GRK5: variants seen among roughly 807,000 people sequenced by gnomAD.
GRK5 encodes the protein G protein-coupled receptor kinase 5.
In GRK5, 40 loss-of-function variants were observed where a neutral mutation model predicts 78.4. That is an observed-to-expected ratio of 0.51 (90% confidence interval 0.40 to 0.66). The LOEUF (loss-of-function observed/expected upper bound fraction) is 0.66. Ranked by LOEUF, GRK5 falls within the 30% of genes least tolerant of loss-of-function variation. GRK5 has a pLI of 0.00. For synonymous variants in GRK5, 289 were observed against 296.8 expected, an observed-to-expected ratio of 0.97 and a Z score of 0.27; for missense variants, 598 against 759.9, an observed-to-expected ratio of 0.79 and a Z score of 2.50.
At chr10:119,382,631 TAAGAGCTCTTTAA>T (rs1264197468) in intron 3 of GRK5, among the ~76,000 whole-genome samples, 1 of 152,222 alleles carries the variant, frequency 6.6e-6, no homozygotes, top group Non-Finnish European at 1.5e-5. Context: ...TATCTCTGAA[TAAGAGCTCTTTAA>T]AAAATAGTAC....
At chr10:119,373,671 G>A (rs1851581254) in intron 2 of GRK5, among the ~76,000 whole-genome samples, 1 of 152,268 alleles carries the variant, frequency 6.6e-6, no homozygotes, top group South Asian at 2.1e-4. Flanking sequence ...GGGGGAATGA[G>A]AATCTGCATT....
chr10:119,344,515 G>C (rs191151294), intron 2 of GRK5, among the ~76,000 whole-genome samples: 7 of 152,316 alleles, frequency 4.6e-5, no homozygotes, highest in Admixed American at 6.5e-5. Flanking sequence ...CCACCTGTCA[G>C]AGCTCTCCAA....
chr10:119,447,606 G>A (rs552470690), intron 12 of GRK5, among the ~76,000 whole-genome samples: 8 of 152,166 alleles, frequency 5.3e-5, no homozygotes, highest in African/African-American at 1.9e-4. Flanking sequence ...CATGCCCCCT[G>A]CCCCCGGGGT....
chr10:119,333,004 T>G (rs1383929052), intron 2 of GRK5, among the ~76,000 whole-genome samples: 1 of 152,230 alleles, frequency 6.6e-6, no homozygotes, highest in Non-Finnish European at 1.5e-5. Context: ...GTGTATTTTC[T>G]GTCTCCCACA....
At position 119,356,019 on chromosome 10, in the gene GRK5, T is replaced by C. The variant is rs1296917589; in HGVS notation, c.149-24796T>C. Among the ~76,000 whole-genome samples the C allele has an allele frequency of 2.0e-5, 3 of 152,306 alleles. No individual in the cohort carries two copies. The South Asian group carries it at 6.2e-4, about 32-fold the overall frequency. On this transcript the variant is annotated intron_variant, in intron 2 of 15. Transcript: ENST00000392870. ...GAAACTTTTAAATCTAGAGAGCTGA[T>C]AAAGTAAGATAATAATACATTCTGC...
intron 2 of GRK5, among the ~76,000 whole-genome samples, chr10:119,354,724 C>T (rs1447255408): frequency 1.3e-5 from 2 of 152,136 alleles, no homozygotes; most frequent in African/African-American, 4.8e-5. Context: ...GAATAATATT[C>T]CATTGTACAG....
At chr10:119,403,705 C>T (rs1852188513) in intron 4 of GRK5, among the ~76,000 whole-genome samples, 2 of 152,120 alleles carry the variant, frequency 1.3e-5, no homozygotes, top group Admixed American at 6.5e-5. Context: ...GGGATCTCGG[C>T]TCACTGTAAC....
chr10:119,394,260 C>CTATGTGTGTGTG (rs1564916856), intron 3 of GRK5, among the ~76,000 whole-genome samples: 1 of 4,986 alleles, frequency 2.0e-4, no homozygotes, highest in Non-Finnish European at 3.6e-4. Context: ...GTGGATGTAT[C>CTATGTGTGTGTG]TGTGTGTGTG....
chr10:119,309,139 G>A (rs886820059), intron 1 of GRK5, among the ~76,000 whole-genome samples: 5 of 152,194 alleles, frequency 3.3e-5, no homozygotes, highest in African/African-American at 9.6e-5. Flanking sequence ...AAGAAGAGAG[G>A]GTTCAGCCCA....
chr10:119,422,504 G>A (rs1237284209), intron 4 of GRK5, among the ~76,000 whole-genome samples: 7 of 152,174 alleles, frequency 4.6e-5, no homozygotes, highest in African/African-American at 7.2e-5. Context: ...CCACAGCTGC[G>A]AGTCACAGAT....
intron 1 of GRK5, among the ~76,000 whole-genome samples, chr10:119,314,181 G>A (rs1564887829): frequency 6.6e-6 from 1 of 152,220 alleles, no homozygotes; most frequent in Non-Finnish European, 1.5e-5. Flanking sequence ...CCCCACTTTG[G>A]GTGGAATCCT....
At chr10:119,315,664 G>A (rs1850473278) in intron 1 of GRK5, among the ~76,000 whole-genome samples, 1 of 152,224 alleles carries the variant, frequency 6.6e-6, no homozygotes, top group Non-Finnish European at 1.5e-5. Flanking sequence ...GCCCACCTGG[G>A]TAGAAAAGAA....
intron 4 of GRK5, among the ~76,000 whole-genome samples, chr10:119,418,754 C>T (rs1055539224): frequency 8.5e-5 from 13 of 152,168 alleles, no homozygotes; most frequent in East Asian, 3.8e-4. Context: ...GTGTTAAAGT[C>T]GAGGTCTGCA....
intron 2 of GRK5, among the ~76,000 whole-genome samples, chr10:119,352,028 G>A (rs1851193398): frequency 6.6e-6 from 1 of 152,180 alleles, no homozygotes; most frequent in Admixed American, 6.5e-5. Flanking sequence ...CCTAGGGGAG[G>A]TGGCCTCAAC....
intron 8 of GRK5, among the ~76,000 whole-genome samples, chr10:119,434,372 C>T (rs866929378): frequency 9.2e-5 from 14 of 152,232 alleles, no homozygotes; most frequent in Admixed American, 4.6e-4. Flanking sequence ...AAGTCCTTTC[C>T]GCCTACGAGC....
chr10:119,409,430 T>G (rs1224653338), intron 4 of GRK5, among the ~76,000 whole-genome samples: 1 of 152,210 alleles, frequency 6.6e-6, no homozygotes, highest in Admixed American at 6.5e-5. Context: ...GAGGTTCCTT[T>G]GATGCTGGCA....
chr10:119,273,228 A>C (rs1282081750), intron 1 of GRK5, among the ~76,000 whole-genome samples: 1 of 152,164 alleles, frequency 6.6e-6, no homozygotes, highest in Non-Finnish European at 1.5e-5. Context: ...CACTGTAGGC[A>C]TAAAGCAGGT....
chr10:119,381,399 T>G (rs1232945580), intron 3 of GRK5, among the ~76,000 whole-genome samples: 2 of 152,232 alleles, frequency 1.3e-5, no homozygotes, highest in African/African-American at 4.8e-5. Context: ...CATACCTGCC[T>G]CACACAGTGC....
Position 119,423,277 on chromosome 10 carries a change from T to C in GRK5, c.440+11T>C. 6.3e-7 allele frequency: 1 copy of C among 1,593,370 alleles called. No individual in the cohort carries two copies. Among genetic ancestry groups the C allele is most frequent in the Non-Finnish European group, 8.6e-7 (1 of 1,161,062 alleles). On this transcript the variant is annotated intron_variant, in intron 5 of 15. Coordinates refer to ENST00000392870, the MANE Select transcript of GRK5 (RefSeq NM_005308.3). ...TTCTGCCTGTGCACAGTAAGTGCCG[T>C]AGTCACCTGGCCTGTCCTCCCCGGG...
Sources: gnomAD v4.1 joint callset for allele counts (sites outside exome capture counted in the v4.1 genomes callset) on GRCh38, gnomAD v4.1.1 for gene constraint, MANE v1.5 for transcripts, NCBI Gene and HGNC (gene_info 2026-07-23, HGNC 2026-07-21) for gene names.